Variants in HSD17B4 observed in about 807,000 individuals in gnomAD.
HSD17B4 encodes the protein peroxisomal multifunctional enzyme type 2.
Under a neutral mutation model 101.0 loss-of-function variants are expected in HSD17B4, and 70 were observed. The observed-to-expected ratio is 0.69, with a 90% confidence interval of 0.57 to 0.85. The LOEUF (loss-of-function observed/expected upper bound fraction) is 0.85, where lower values mean the gene tolerates loss of function less well. Ranked by LOEUF, HSD17B4 falls within the 40% of genes least tolerant of loss-of-function variation. HSD17B4 has a pLI of 0.00. For synonymous variants in HSD17B4, 347 were observed against 297.1 expected, an observed-to-expected ratio of 1.17 and a Z score of -1.73; for missense variants, 984 against 892.4, an observed-to-expected ratio of 1.10 and a Z score of -1.31.
chr5:119,494,724 A>G (rs1750473333), intron 11 of HSD17B4, among the ~76,000 whole-genome samples: 2 of 152,182 alleles, frequency 1.3e-5, no homozygotes, highest in South Asian at 4.1e-4. Context: ...CCTTTGAGGC[A>G]GAGACTGTAT....
rs552267948 is a variant in HSD17B4 at position 119,497,670 on chromosome 5, G to A, written c.972+1024G>A. ...TAATCAGCAAAATTTTGTTTGAAAT[G>A]TAAATAATTTTGAAACTTTTTTCAC... On this transcript the variant is annotated intron_variant, in intron 12 of 23. Transcript: ENST00000510025. Among the ~76,000 whole-genome samples, 92 of 152,250 alleles carry A rather than the reference G, an allele frequency of 6.0e-4. No homozygotes were observed. In the South Asian group the frequency reaches 8.7e-3, roughly 14 times the overall value.
At chr5:119,479,154 A>G (rs1290340116) in intron 8 of HSD17B4, 133 bp downstream of exon 8, 1 of 662,946 alleles carries the variant, frequency 1.5e-6, no homozygotes, top group Non-Finnish European at 2.5e-6. Flanking sequence ...TTATCTGTAA[A>G]TTGTGTTCAT....
rs539938421 is a variant in HSD17B4, at chr5:119,517,077, C to G, written c.1503+2031C>G. Reference sequence around the variant, plus strand: ...CTGGGCTGGCCAAGGCCAGAGCCGGCTCCCTCAGCTTGCAGGGTGGTGTGG... The same window carrying G: ...CTGGGCTGGCCAAGGCCAGAGCCGGGTCCCTCAGCTTGCAGGGTGGTGTGG... On this transcript the variant is annotated intron_variant, in intron 17 of 23. Transcript: ENST00000510025. Among the ~76,000 whole-genome samples the G allele has an allele frequency of 3.9e-5, 6 of 152,346 alleles. No individual in the cohort carries two copies. The East Asian group carries it at 9.7e-4, about 25-fold the overall frequency.
At chr5:119,466,794 C>G (rs1298831465) in intron 2 of HSD17B4, among the ~76,000 whole-genome samples, 1 of 151,938 alleles carries the variant, frequency 6.6e-6, no homozygotes, top group Non-Finnish European at 1.5e-5. Context: ...TATTTCTTCT[C>G]TGATCTTTAT....
At chr5:119,540,131 T>A (rs548426432) in intron 23 of HSD17B4, among the ~76,000 whole-genome samples, 1 of 152,192 alleles carries the variant, frequency 6.6e-6, no homozygotes, top group South Asian at 2.1e-4. Flanking sequence ...GCACAGTGCT[T>A]CCAGACCTTC....
chr5:119,540,193 C>T (rs138581690), intron 23 of HSD17B4, among the ~76,000 whole-genome samples: 1 of 152,230 alleles, frequency 6.6e-6, no homozygotes, highest in East Asian at 1.9e-4. Context: ...CACTCCTAGG[C>T]CAAACCATAT....
Position 119,452,621 on chromosome 5 carries a change from G to A in HSD17B4, c.46G>A (p.Gly16Ser), listed in dbSNP as rs137853096. The A allele has an allele frequency of 3.3e-4, 530 of 1,613,836 alleles. No homozygotes were observed. Among genetic ancestry groups the A allele is most frequent in the Non-Finnish European group, 4.3e-4 (504 of 1,179,968 alleles). Residue 16 changes from glycine (G) to serine (S), a missense_variant, in exon 1 of 24, where the codon GGC becomes AGC. Transcript: ENST00000510025. ...RFDGRVVLVTGAGAGLGRAYA... is the reference protein window; with the variant it reads ...RFDGRVVLVTSAGAGLGRAYA... ...CGACGGGCGGGTGGTACTGGTCACC[G>A]GCGCGGGGGCAGGTGAGCATGCGAA... is the stretch of plus-strand genomic sequence containing the variant.
intron 1 of HSD17B4, among the ~76,000 whole-genome samples, chr5:119,454,416 T>G (rs559477797): frequency 6.6e-6 from 1 of 151,426 alleles, no homozygotes; most frequent in Non-Finnish European, 1.5e-5. Flanking sequence ...AGTGATCCTT[T>G]TGCATCAGCT....
At chr5:119,488,592 G>T (rs1230356442) in intron 8 of HSD17B4, among the ~76,000 whole-genome samples, 3 of 152,066 alleles carry the variant, frequency 2.0e-5, no homozygotes, top group Non-Finnish European at 2.9e-5. Context: ...AATATCACAT[G>T]CACCTTCAAA....
chr5:119,510,394 T>C (rs1171427590), intron 16 of HSD17B4, among the ~76,000 whole-genome samples: 2 of 152,250 alleles, frequency 1.3e-5, no homozygotes, highest in Non-Finnish European at 2.9e-5. Context: ...GAAACATATT[T>C]TTCCTAAAAA....
chr5:119,530,134 A>G (rs1005038456), intron 21 of HSD17B4, 154 bp downstream of exon 21: 25 of 659,184 alleles, frequency 3.8e-5, no homozygotes. Flanking sequence ...ACAGCTTGGA[A>G]TAGAAGGAAT....
At position 119,456,315 on chromosome 5, in the gene HSD17B4, G is replaced by T; in HGVS notation, c.59G>T (p.Gly20Val). ...TTCTGATTATTTTGTTTTTGATTAG[G>T]ATTGGGCCGAGCCTATGCCCTGGCT... ...RVVLVTGAGA[G>V]LGRAYALAFA... The change falls in exon 2 of 24, where the codon GGA becomes GTA. Residue 20 changes from glycine to valine, a missense_variant and splice_region_variant. Transcript: ENST00000510025. 1 of 1,608,240 alleles carries T rather than the reference G, an allele frequency of 6.2e-7. No homozygotes were observed. The highest frequency in any genetic ancestry group is 1.1e-5 in the South Asian group (1 of 90,994).
chr5:119,498,991 C>G (rs1750904365), intron 12 of HSD17B4, among the ~76,000 whole-genome samples: 1 of 152,180 alleles, frequency 6.6e-6, no homozygotes, highest in Non-Finnish European at 1.5e-5. Context: ...AAGCAATTTA[C>G]TATCCTTAAT....
At chr5:119,482,390 CAGTAATCAT>C (rs1418667937) in intron 8 of HSD17B4, among the ~76,000 whole-genome samples, 8 of 152,042 alleles carry the variant, frequency 5.3e-5, no homozygotes, top group African/African-American at 1.9e-4. Context: ...GCCCTAAGCA[CAGTAATCAT>C]AGTTATTTTA....
intron 8 of HSD17B4, among the ~76,000 whole-genome samples, chr5:119,479,243 C>T (rs545642848): frequency 1.3e-5 from 2 of 152,040 alleles, no homozygotes; most frequent in South Asian, 4.2e-4. Flanking sequence ...AACTTTCATT[C>T]TTTTTCTCTG....
intron 20 of HSD17B4, among the ~76,000 whole-genome samples, chr5:119,528,153 C>G (rs1257355826): frequency 6.6e-6 from 1 of 152,042 alleles, no homozygotes; most frequent in African/African-American, 2.4e-5. Flanking sequence ...ATAAGAAAAT[C>G]TAGGTTCCTA....
chr5:119,533,597 A>G (rs1157067465), intron 22 of HSD17B4, among the ~76,000 whole-genome samples: 1 of 152,076 alleles, frequency 6.6e-6, no homozygotes, highest in Non-Finnish European at 1.5e-5. Flanking sequence ...AAACAGGTAG[A>G]GGAGGGAGGT....
chr5:119,512,947 G>T (rs1214183255), intron 16 of HSD17B4, among the ~76,000 whole-genome samples: 1 of 152,094 alleles, frequency 6.6e-6, no homozygotes, highest in African/African-American at 2.4e-5. Flanking sequence ...AAAATGACTG[G>T]ATTTTACATT....
At chr5:119,465,917 A>G (rs1424436848) in intron 2 of HSD17B4, among the ~76,000 whole-genome samples, 1 of 152,190 alleles carries the variant, frequency 6.6e-6, no homozygotes, top group East Asian at 1.9e-4. Context: ...TTAGAGGAGA[A>G]GCTTTCAGCT....
Sources: gnomAD v4.1 joint callset for allele counts (sites outside exome capture counted in the v4.1 genomes callset) on GRCh38, gnomAD v4.1.1 for gene constraint, MANE v1.5 for transcripts, NCBI Gene and HGNC (gene_info 2026-07-23, HGNC 2026-07-21) for gene names.